The following CLEC4C variants were observed in gnomAD, a reference collection of about 807,000 sequenced individuals.
CLEC4C encodes the protein C-type lectin domain family 4 member C, also known as C-type (calcium dependent, carbohydrate-recognition domain) lectin, superfamily member 11.
Under a neutral mutation model 27.7 loss-of-function variants are expected in CLEC4C, and 17 were observed. That is an observed-to-expected ratio of 0.61 (90% confidence interval 0.42 to 0.92). The LOEUF (loss-of-function observed/expected upper bound fraction) is 0.92. Among genes scored for constraint, CLEC4C ranks in the 40% least tolerant of loss-of-function variants. The pLI is 0.00. For synonymous variants in CLEC4C, 80 were observed against 80.8 expected, an observed-to-expected ratio of 0.99 and a Z score of 0.06; for missense variants, 244 against 257.3, an observed-to-expected ratio of 0.95 and a Z score of 0.35.
rs368291458 is a variant in CLEC4C at position 7,747,350 on chromosome 12, G to A, written c.-2C>T. On this transcript the variant is annotated 5_prime_UTR_variant, in exon 1 of 6. Transcript: ENST00000360345. ...TTGAGGCTCTTCTTCAGGCACCATT[G>A]TGTGTGCGCACACCCTTTGGACTTC... 1 of 1,613,956 alleles carries A rather than the reference G, an allele frequency of 6.2e-7. No homozygotes were observed. The highest frequency in any genetic ancestry group is 2.2e-5 in the East Asian group (1 of 44,854).
At chr12:7,730,677 A>C in intron 5 of CLEC4C, 120 bp downstream of exon 5, 1 of 577,684 alleles carries the variant, frequency 1.7e-6, no homozygotes, top group Non-Finnish European at 3.1e-6. Context: ...TTGATGTCAA[A>C]TAGACCTAGG....
intron 2 of CLEC4C, 43 bp from the exon 3 acceptor site, chr12:7,741,574 G>A (rs535789631): frequency 6.6e-6 from 7 of 1,055,602 alleles, no homozygotes; most frequent in Non-Finnish European, 1.0e-5. Flanking sequence ...CTTTTAAGTG[G>A]ATCTATGTTG....
intron 4 of CLEC4C, among the ~76,000 whole-genome samples, chr12:7,735,872 T>C (rs908593450): frequency 6.6e-6 from 1 of 152,122 alleles, no homozygotes; most frequent in Non-Finnish European, 1.5e-5. Flanking sequence ...CATTATAAAG[T>C]TTGACAGCAT....
chr12:7,745,967 G>A (rs551776368), intron 2 of CLEC4C, among the ~76,000 whole-genome samples: 5 of 151,816 alleles, frequency 3.3e-5, no homozygotes, highest in African/African-American at 1.2e-4. Flanking sequence ...TGTAATCCCA[G>A]CACTTTGGGA....
At chr12:7,732,935 G>A (rs1187289492) in intron 4 of CLEC4C, among the ~76,000 whole-genome samples, 4 of 151,838 alleles carry the variant, frequency 2.6e-5, no homozygotes, top group African/African-American at 7.3e-5. Flanking sequence ...GCGACAGAGG[G>A]ACAGAGCAAC....
chr12:7,746,213 CAAAAAAAAAAAAAA>C, intron 2 of CLEC4C, 104 bp downstream of exon 2: 1 of 412,266 alleles, frequency 2.4e-6, no homozygotes, highest in Non-Finnish European at 4.0e-6. Flanking sequence ...GATTCCGTCT[CAAAAAAAAAAAAAA>C]AAAAAAGAAA....
intron 3 of CLEC4C, 81 bp from the exon 4 acceptor site, chr12:7,737,655 G>C: frequency 7.5e-7 from 1 of 1,340,508 alleles, no homozygotes; most frequent in East Asian, 2.3e-5. Flanking sequence ...GCTTGCTAAG[G>C]TTTAATTAGT....
chr12:7,734,114 T>C (rs1864664515), intron 4 of CLEC4C, among the ~76,000 whole-genome samples: 1 of 152,190 alleles, frequency 6.6e-6, no homozygotes, highest in African/African-American at 2.4e-5. Flanking sequence ...TCAGATTATT[T>C]TGAATGTACA....
At chr12:7,745,464 ACT>A (rs1295400569) in intron 2 of CLEC4C, among the ~76,000 whole-genome samples, 2 of 103,918 alleles carry the variant, frequency 1.9e-5, no homozygotes, top group Non-Finnish European at 3.5e-5. Context: ...ACAGAGTCTC[ACT>A]CTGTCACCCA....
chr12:7,748,122 T>C (rs1865026902), upstream of CLEC4C, among the ~76,000 whole-genome samples: 1 of 152,050 alleles, frequency 6.6e-6, no homozygotes, highest in African/African-American at 2.4e-5. Flanking sequence ...ATGGAGATGT[T>C]TGGTTGAAGG....
At chr12:7,746,536 T>C (rs2120448129) in intron 1 of CLEC4C, 113 bp from the exon 2 acceptor site, 1 of 636,564 alleles carries the variant, frequency 1.6e-6, no homozygotes, top group Non-Finnish European at 2.8e-6. Flanking sequence ...CAAAACTAAT[T>C]AAAACAGAAA....
At chr12:7,732,709 T>C (rs906185560) in intron 4 of CLEC4C, among the ~76,000 whole-genome samples, 3 of 151,280 alleles carry the variant, frequency 2.0e-5, no homozygotes, top group African/African-American at 7.3e-5. Flanking sequence ...ACGCCTATAA[T>C]CCAAGCATTT....
intron 4 of CLEC4C, among the ~76,000 whole-genome samples, chr12:7,733,606 C>G (rs1864650104): frequency 6.6e-6 from 1 of 151,270 alleles, no homozygotes; most frequent in African/African-American, 2.4e-5. Context: ...CTCAGCCTCC[C>G]GAGTAGCTGG....
chr12:7,736,770 G>T (rs758286354), intron 4 of CLEC4C, among the ~76,000 whole-genome samples: 1 of 151,994 alleles, frequency 6.6e-6, no homozygotes, highest in African/African-American at 2.4e-5. Flanking sequence ...TTAGCCGGGC[G>T]TGGTGGCAGG....
intron 4 of CLEC4C, among the ~76,000 whole-genome samples, chr12:7,737,038 C>A (rs1864741794): frequency 6.6e-6 from 1 of 152,134 alleles, no homozygotes; most frequent in Non-Finnish European, 1.5e-5. Flanking sequence ...CAAGATCAGC[C>A]TGACTAACAT....
At chr12:7,732,265 G>C (rs1864613171) in intron 4 of CLEC4C, among the ~76,000 whole-genome samples, 1 of 151,804 alleles carries the variant, frequency 6.6e-6, no homozygotes, top group Non-Finnish European at 1.5e-5. Context: ...CGTGACCTCA[G>C]TTGATTTGCC....
chr12:7,734,177 C>T (rs927091271), intron 4 of CLEC4C, among the ~76,000 whole-genome samples: 2 of 152,198 alleles, frequency 1.3e-5, no homozygotes, highest in Admixed American at 6.5e-5. Context: ...CCCTCTCCGC[C>T]ATATCAATTT....
At chr12:7,739,622 A>G (rs1864808994) in intron 3 of CLEC4C, among the ~76,000 whole-genome samples, 1 of 151,800 alleles carries the variant, frequency 6.6e-6, no homozygotes, top group South Asian at 2.1e-4. Flanking sequence ...GTTTGGCCTC[A>G]CTCTAGGCCA....
At chr12:7,742,664 C>T (rs1264659697) in intron 2 of CLEC4C, among the ~76,000 whole-genome samples, 2 of 151,152 alleles carry the variant, frequency 1.3e-5, no homozygotes, top group African/African-American at 4.9e-5. Context: ...CAAAAATTAG[C>T]CAGGCGTGGT....
Sources: allele counts gnomAD v4.1 joint callset (sites outside exome capture counted in the v4.1 genomes callset), GRCh38; gene constraint gnomAD v4.1.1; transcripts MANE v1.5; gene names NCBI Gene and HGNC (gene_info 2026-07-23, HGNC 2026-07-21).